Variants in TANC2 observed in about 807,000 individuals in gnomAD.
TANC2 encodes the protein protein TANC2.
A neutral mutation model predicts 210.5 loss-of-function variants in TANC2; 26 were observed. The observed-to-expected ratio is 0.12, with a 90% CI of 0.09 to 0.17. The LOEUF is 0.17. TANC2 is among the 10% of genes least tolerant of loss of function. The pLI is 1.00. For missense variants in TANC2, 2,129 were observed against 2,608.9 expected, an observed-to-expected ratio of 0.82 and a Z score of 4.01; for synonymous variants, 931 against 967.1, an observed-to-expected ratio of 0.96 and a Z score of 0.69.
At chr17:63,025,144 A>G (rs2034498685) in intron 2 of TANC2, among the ~76,000 whole-genome samples, 1 of 152,302 alleles carries the variant, frequency 6.6e-6, no homozygotes, top group African/African-American at 2.4e-5. Flanking sequence ...TACCATTAGT[A>G]TTTCTCCATG....
At chr17:63,377,426 A>T (rs1438872707) in intron 14 of TANC2, among the ~76,000 whole-genome samples, 2 of 152,108 alleles carry the variant, frequency 1.3e-5, no homozygotes, top group Non-Finnish European at 2.9e-5. Flanking sequence ...ATCTCTCTCA[A>T]GTTCAAAGTC....
rs77617007 is a variant in TANC2, at chr17:63,194,846, G to A, written c.582+707G>A. ...TCTACAATTTAAAAAATATTTTATA[G>A]TTTTCTTTCTTTTTGCTATTTTCAT... is the stretch of plus-strand genomic sequence containing the variant. On this transcript the variant is annotated intron_variant, in intron 6 of 27. Coordinates refer to ENST00000689528, the Ensembl canonical transcript of TANC2. 4.9e-3 allele frequency among the ~76,000 whole-genome samples: 740 copies of A among 151,746 alleles called. 9 individuals carry two copies. Among genetic ancestry groups the A allele is most frequent in the African/African-American group, 0.017 (690 of 41,410 alleles).
At chr17:63,115,989 C>T (rs2038236651) in intron 4 of TANC2, among the ~76,000 whole-genome samples, 1 of 152,106 alleles carries the variant, frequency 6.6e-6, no homozygotes, top group Non-Finnish European at 1.5e-5. Flanking sequence ...GAGATAAATG[C>T]ATCATAAATC....
At chr17:63,207,127 A>G (rs964683887) in intron 7 of TANC2, among the ~76,000 whole-genome samples, 3 of 150,574 alleles carry the variant, frequency 2.0e-5, no homozygotes, top group Non-Finnish European at 3.0e-5. Flanking sequence ...CCACATTTGT[A>G]TCCCTAAATA....
chr17:63,040,161 T>G (rs2035130122), intron 2 of TANC2, among the ~76,000 whole-genome samples: 1 of 152,152 alleles, frequency 6.6e-6, no homozygotes, highest in African/African-American at 2.4e-5. Flanking sequence ...TAATGCAGTG[T>G]GAGTTCGCAT....
intron 2 of TANC2, among the ~76,000 whole-genome samples, chr17:63,035,423 C>T (rs768619841): frequency 3.3e-5 from 5 of 152,324 alleles, no homozygotes; most frequent in East Asian, 1.9e-4. Context: ...TGGTCTGGAA[C>T]GGAACCAGCA....
At chr17:63,334,619 T>G (rs2045966335) in intron 11 of TANC2, among the ~76,000 whole-genome samples, 1 of 152,148 alleles carries the variant, frequency 6.6e-6, no homozygotes, top group Admixed American at 6.5e-5. Flanking sequence ...CTAAAATTAA[T>G]GGGCAAAAGT....
At chr17:63,395,751 T>G (rs2048136576) in exon 18 of TANC2, 3 of 1,613,274 alleles carry the variant, frequency 1.9e-6, no homozygotes, top group Non-Finnish European at 2.5e-6. Context: ...AGGTGGATCA[T>G]TTGGATAAGA....
At chr17:63,276,598 G>A (rs1216766638) in intron 9 of TANC2, among the ~76,000 whole-genome samples, 1 of 150,568 alleles carries the variant, frequency 6.6e-6, no homozygotes, top group African/African-American at 2.4e-5. Flanking sequence ...TTTCCCATAA[G>A]ACCAATGTCA....
intron 3 of TANC2, among the ~76,000 whole-genome samples, chr17:63,085,359 C>T (rs1170703490): frequency 3.3e-5 from 5 of 152,054 alleles, no homozygotes; most frequent in African/African-American, 1.2e-4. Flanking sequence ...ATACTTGTTA[C>T]TATTTTCTGT....
intron 7 of TANC2, among the ~76,000 whole-genome samples, chr17:63,212,934 G>A (rs2041927828): frequency 6.6e-6 from 1 of 152,056 alleles, no homozygotes; most frequent in Non-Finnish European, 1.5e-5. Flanking sequence ...TTCAATAGTT[G>A]CTCATTTTTA....
At chr17:63,268,000 T>G (rs2043581235) in intron 9 of TANC2, 127 bp downstream of exon 9, 1 of 1,078,494 alleles carries the variant, frequency 9.3e-7, no homozygotes, top group Non-Finnish European at 1.3e-6. Context: ...TGATCCATTT[T>G]AGCATGTGAC....
intron 2 of TANC2, among the ~76,000 whole-genome samples, chr17:63,028,851 GTGT>G (rs1018690799): frequency 1.3e-5 from 2 of 151,884 alleles, no homozygotes; most frequent in Non-Finnish European, 2.9e-5. Context: ...TCTCAGGCCA[GTGT>G]TGTTGTTAAA....
intron 4 of TANC2, among the ~76,000 whole-genome samples, chr17:63,114,658 C>T (rs1361048420): frequency 6.6e-6 from 1 of 152,092 alleles, no homozygotes; most frequent in Non-Finnish European, 1.5e-5. Context: ...ATAAATATTA[C>T]CCTACCTTTA....
intron 8 of TANC2, among the ~76,000 whole-genome samples, chr17:63,244,368 C>T (rs891629093): frequency 1.1e-4 from 16 of 152,282 alleles, no homozygotes; most frequent in African/African-American, 3.6e-4. Context: ...CATCCCATTA[C>T]CATTCTTCAA....
intron 2 of TANC2, among the ~76,000 whole-genome samples, chr17:63,023,430 T>C (rs971242133): frequency 6.6e-6 from 1 of 152,188 alleles, no homozygotes; most frequent in Non-Finnish European, 1.5e-5. Context: ...AGACTCGAAC[T>C]CCTGGGCCCA....
intron 15 of TANC2, among the ~76,000 whole-genome samples, chr17:63,384,899 A>G (rs1410270465): frequency 6.6e-6 from 1 of 152,148 alleles, no homozygotes; most frequent in African/African-American, 2.4e-5. Flanking sequence ...TATAGTTGCT[A>G]CTTTTTCAGC....
At chr17:63,293,538 T>G (rs1438739138) in intron 9 of TANC2, among the ~76,000 whole-genome samples, 1 of 152,150 alleles carries the variant, frequency 6.6e-6, no homozygotes, top group Non-Finnish European at 1.5e-5. Context: ...TGACTTCTCT[T>G]TAAATGATTC....
At chr17:63,089,810 G>C (rs2144793551) in intron 3 of TANC2, among the ~76,000 whole-genome samples, 1 of 151,130 alleles carries the variant, frequency 6.6e-6, no homozygotes, top group South Asian at 2.2e-4. Flanking sequence ...AGTCGTTTTA[G>C]GGACCAGACT....
Sources: allele counts gnomAD v4.1 joint callset (sites outside exome capture counted in the v4.1 genomes callset), GRCh38; gene constraint gnomAD v4.1.1; transcripts MANE v1.5; gene names NCBI Gene and HGNC (gene_info 2026-07-23, HGNC 2026-07-21).